COX16: variants seen among roughly 807,000 people sequenced by gnomAD.
COX16 encodes cytochrome c oxidase assembly factor COX16, also known as cytochrome c oxidase assembly protein COX16 homolog, mitochondrial.
In COX16, 12 loss-of-function variants were observed where a neutral mutation model predicts 15.4. The observed-to-expected ratio is 0.78, with a 90% confidence interval of 0.50 to 1.26. COX16 has a LOEUF of 1.26. COX16 is among the 50% of genes most tolerant of loss of function. The pLI, the probability that COX16 is intolerant of heterozygous loss-of-function variation, is 0.00. For missense variants in COX16, 124 were observed against 127.6 expected, an observed-to-expected ratio of 0.97 and a Z score of 0.14; for synonymous variants, 46 against 41.1, an observed-to-expected ratio of 1.12 and a Z score of -0.46.
intron 1 of COX16, among the ~76,000 whole-genome samples, chr14:70,351,203 G>C (rs772457693): frequency 1.3e-5 from 2 of 151,968 alleles, no homozygotes; most frequent in Non-Finnish European, 2.9e-5. Context: ...CCAACTTATT[G>C]GTTGTCCTTC....
chr14:70,356,930 A>C (rs1020152482), intron 1 of COX16, among the ~76,000 whole-genome samples: 8 of 152,016 alleles, frequency 5.3e-5, no homozygotes, highest in Admixed American at 5.2e-4. Context: ...CCCTCCACCC[A>C]AGCTCCGTAA....
At chr14:70,335,898 GA>G (rs1886438308) in intron 2 of COX16, among the ~76,000 whole-genome samples, 1 of 152,062 alleles carries the variant, frequency 6.6e-6, no homozygotes, top group Non-Finnish European at 1.5e-5. Flanking sequence ...TCAAAACAAA[GA>G]AAATTAATCA....
intron 1 of COX16, among the ~76,000 whole-genome samples, chr14:70,354,152 A>C (rs935253009): frequency 1.3e-5 from 2 of 152,184 alleles, no homozygotes; most frequent in Admixed American, 6.5e-5. Context: ...TCTCTTAAAA[A>C]AACAACAATA....
At chr14:70,335,797 T>TA (rs1165258625) in intron 2 of COX16, among the ~76,000 whole-genome samples, 1 of 152,138 alleles carries the variant, frequency 6.6e-6, no homozygotes, top group African/African-American at 2.4e-5. Flanking sequence ...ATCCCTGACT[T>TA]AGATTTGAAG....
chr14:70,335,062 A>G (rs990688152), intron 2 of COX16, among the ~76,000 whole-genome samples: 1 of 152,226 alleles, frequency 6.6e-6, no homozygotes, highest in African/African-American at 2.4e-5. Context: ...CTATACTTAT[A>G]TCAGATAAAA....
chr14:70,333,429 C>T (rs2140691857), intron 2 of COX16, among the ~76,000 whole-genome samples: 1 of 152,050 alleles, frequency 6.6e-6, no homozygotes, highest in African/African-American at 2.4e-5. Context: ...CTGAAAAATA[C>T]AATGAATGAA....
Position 70,344,337 on chromosome 14 carries a change from A to G in COX16, c.70-1608T>C, listed in dbSNP as rs142286905. Reference sequence around the variant, plus strand: ...TCTTTTTGGGAAAGGGCTATTATCAATTTTGTTTCAGAGTCAAACCATGAA... The same window carrying G: ...TCTTTTTGGGAAAGGGCTATTATCAGTTTTGTTTCAGAGTCAAACCATGAA... On this transcript the variant is annotated intron_variant, in intron 1 of 3. Coordinates refer to ENST00000389912, the MANE Select transcript of COX16 (RefSeq NM_016468.7). 3.3e-3 allele frequency among the ~76,000 whole-genome samples: 505 copies of G among 152,358 alleles called. 2 individuals carry two copies. The highest frequency in any genetic ancestry group is 5.8e-3 in the Non-Finnish European group (394 of 68,034).
At position 70,359,525 on chromosome 14, in the gene COX16, G is replaced by A. The variant is rs764715970; in HGVS notation, c.63C>T (p.Pro21=). 5.0e-6 allele frequency: 8 copies of A among 1,613,704 alleles called. No individual in the cohort carries two copies. Among genetic ancestry groups the A allele is most frequent in the Non-Finnish European group, 6.8e-6 (8 of 1,179,788 alleles). Residue 21 remains proline (P), a synonymous_variant, in exon 1 of 4, where the codon CCC becomes CCT. Transcript: ENST00000389912. The part of the protein sequence containing the change: ...RKNKTLGYGV[P]MLLLIVGGSF... ...TCCTCCTCACTCCACTCACCAACAT[G>A]GGGACTCCATAGCCGAGAGTCTTGT...
chr14:70,338,907 G>A (rs10142102), intron 2 of COX16, among the ~76,000 whole-genome samples: 30,488 of 152,040 alleles, frequency 0.2, 3,989 homozygotes, highest in East Asian at 0.62. Flanking sequence ...AGTATGCTCC[G>A]TTTTGGTTAT....
At chr14:70,344,183 C>T (rs1051376646) in intron 1 of COX16, among the ~76,000 whole-genome samples, 12 of 152,184 alleles carry the variant, frequency 7.9e-5, no homozygotes, top group African/African-American at 2.9e-4. Context: ...CGATGTTATC[C>T]CCAGGAGCAA....
At chr14:70,352,738 C>G (rs559779709) in intron 1 of COX16, among the ~76,000 whole-genome samples, 2 of 146,526 alleles carry the variant, frequency 1.4e-5, no homozygotes, top group Admixed American at 1.4e-4. Flanking sequence ...CTCTGCCTCC[C>G]GGGTTCAAGA....
chr14:70,327,846 G>A (rs1566595435), intron 3 of COX16, among the ~76,000 whole-genome samples: 3 of 152,164 alleles, frequency 2.0e-5, no homozygotes, highest in Admixed American at 2.0e-4. Flanking sequence ...CTATGTAAAT[G>A]TGCTGAGAAA....
intron 2 of COX16, among the ~76,000 whole-genome samples, chr14:70,335,219 C>T (rs1886414079): frequency 6.6e-6 from 1 of 152,080 alleles, no homozygotes; most frequent in African/African-American, 2.4e-5. Context: ...ATTAACAAAT[C>T]TAAAGGGAGA....
At chr14:70,326,728 G>A (rs1886091262) in intron 3 of COX16, among the ~76,000 whole-genome samples, 1 of 152,158 alleles carries the variant, frequency 6.6e-6, no homozygotes, top group Non-Finnish European at 1.5e-5. Context: ...GAGAGGACAA[G>A]GAAAAGGCTG....
chr14:70,326,228 A>G lies in COX16; in HGVS notation c.*105T>C, dbSNP rs1277626668. On this transcript the variant is annotated 3_prime_UTR_variant, in exon 4 of 4. Coordinates refer to ENST00000389912, the MANE Select transcript of COX16 (RefSeq NM_016468.7). Reference sequence around the variant, plus strand: ...TCAAATTACCCATATCCAAGTTTCCATGGGCCTGGAATTTCCTTTCCACTT... The same window carrying G: ...TCAAATTACCCATATCCAAGTTTCCGTGGGCCTGGAATTTCCTTTCCACTT... 11 of 940,738 alleles carry G rather than the reference A, an allele frequency of 1.2e-5. No homozygotes were observed. The Admixed American group carries it at 2.8e-4, about 24-fold the overall frequency. The allele number at this position is 940,738 out of a possible 1,614,324, so 58.3% of individuals were successfully genotyped here.
chr14:70,353,055 G>A (rs1211628647), intron 1 of COX16, among the ~76,000 whole-genome samples: 4 of 152,164 alleles, frequency 2.6e-5, no homozygotes, highest in Admixed American at 6.5e-5. Context: ...GAGGTCAGGA[G>A]TTCAAGACCA....
chr14:70,350,432 C>T (rs988659969), intron 1 of COX16, among the ~76,000 whole-genome samples: 10 of 152,154 alleles, frequency 6.6e-5, no homozygotes, highest in African/African-American at 2.2e-4. Context: ...CATACCGCCT[C>T]AGTGTTGTAC....
chr14:70,345,667 C>T (rs556168737), intron 1 of COX16, among the ~76,000 whole-genome samples: 4 of 152,240 alleles, frequency 2.6e-5, no homozygotes, highest in African/African-American at 4.8e-5. Flanking sequence ...CAATTATTGC[C>T]GACGACTGGA....
intron 1 of COX16, among the ~76,000 whole-genome samples, chr14:70,351,119 T>C (rs1233486056): frequency 1.3e-5 from 2 of 152,136 alleles, no homozygotes; most frequent in African/African-American, 4.8e-5. Flanking sequence ...CTCATTAGGG[T>C]AGTATTTTGC....
Sources: gnomAD v4.1 joint callset for allele counts (sites outside exome capture counted in the v4.1 genomes callset) on GRCh38, gnomAD v4.1.1 for gene constraint, MANE v1.5 for transcripts, NCBI Gene and HGNC (gene_info 2026-07-23, HGNC 2026-07-21) for gene names.